The following ERBB4 variants were observed in gnomAD, a reference collection of about 807,000 sequenced individuals.
ERBB4 encodes the protein erb-b2 receptor tyrosine kinase 4, also known as receptor tyrosine-protein kinase erbB-4.
ERBB4 carries 42 observed loss-of-function variants against 158.0 expected under a neutral mutation model. That is an observed-to-expected ratio of 0.27 (90% CI 0.21 to 0.34). The LOEUF is 0.34. Ranked by LOEUF, ERBB4 falls within the 10% of genes least tolerant of loss-of-function variation. ERBB4 has a pLI of 1.00. For synonymous variants in ERBB4, 583 were observed against 558.7 expected, an observed-to-expected ratio of 1.04 and a Z score of -0.61; for missense variants, 1,333 against 1,624.1, an observed-to-expected ratio of 0.82 and a Z score of 3.08.
At chr2:212,534,026 T>C (rs1040458716) in intron 1 of ERBB4, among the ~76,000 whole-genome samples, 6 of 152,146 alleles carry the variant, frequency 3.9e-5, no homozygotes, top group Admixed American at 3.9e-4. Context: ...AGAAAATCCG[T>C]TTTGATCATT....
intron 1 of ERBB4, among the ~76,000 whole-genome samples, chr2:212,137,351 C>T (rs984445088): frequency 6.6e-6 from 1 of 152,098 alleles, no homozygotes; most frequent in African/African-American, 2.4e-5. Flanking sequence ...CAATAGGCCC[C>T]AGTGTGTACT....
At chr2:211,969,560 G>T (rs2081395908) in intron 2 of ERBB4, among the ~76,000 whole-genome samples, 1 of 152,048 alleles carries the variant, frequency 6.6e-6, no homozygotes, top group African/African-American at 2.4e-5. Flanking sequence ...ATGAACATCT[G>T]AATTGAATAC....
intron 22 of ERBB4, among the ~76,000 whole-genome samples, chr2:211,427,288 C>T (rs1008316262): frequency 3.3e-5 from 5 of 151,642 alleles, no homozygotes; most frequent in African/African-American, 1.2e-4. Context: ...TAAATTGTAC[C>T]ATACATTTAA....
intron 3 of ERBB4, among the ~76,000 whole-genome samples, chr2:211,898,754 T>G (rs2079159716): frequency 6.6e-6 from 1 of 152,170 alleles, no homozygotes. Context: ...ATATTTCTCT[T>G]CTAATGGGAA....
At chr2:211,831,917 G>A (rs1039210042) in intron 3 of ERBB4, among the ~76,000 whole-genome samples, 5 of 151,124 alleles carry the variant, frequency 3.3e-5, no homozygotes, top group East Asian at 2.0e-4. Context: ...AAAAAAAATA[G>A]TAATGTCTTC....
Position 212,217,126 on chromosome 2 carries a change from T to A in ERBB4, c.83-92223A>T, listed in dbSNP as rs577227158. Among the ~76,000 whole-genome samples, 102 of 151,530 alleles carry A rather than the reference T, an allele frequency of 6.7e-4. 3 individuals are homozygous for A. The South Asian group carries it at 7.9e-3, about 12-fold the overall frequency. On this transcript the variant is annotated intron_variant, in intron 1 of 27. Transcript: ENST00000342788. ...AAGATAATTTTATTATTAGCTTGGA[T>A]GCTAGAATATAATTTTCATTGACTG...
chr2:211,878,188 T>A (rs1486921506), intron 3 of ERBB4, among the ~76,000 whole-genome samples: 1 of 152,166 alleles, frequency 6.6e-6, no homozygotes, highest in East Asian at 1.9e-4. Flanking sequence ...AATTAAAATC[T>A]TCCATCGAAA....
chr2:212,219,221 A>G (rs891293575), intron 1 of ERBB4, among the ~76,000 whole-genome samples: 1 of 151,410 alleles, frequency 6.6e-6, no homozygotes, highest in Non-Finnish European at 1.5e-5. Context: ...GGTAGAACTA[A>G]AACCATTTCT....
At chr2:211,814,826 T>A (rs939529968) in intron 3 of ERBB4, among the ~76,000 whole-genome samples, 2 of 152,190 alleles carry the variant, frequency 1.3e-5, no homozygotes, top group Non-Finnish European at 2.9e-5. Flanking sequence ...ATTGTGAGTG[T>A]CATAGTACAA....
At chr2:211,782,947 T>C (rs1342079152) in intron 4 of ERBB4, among the ~76,000 whole-genome samples, 8 of 152,212 alleles carry the variant, frequency 5.3e-5, no homozygotes, top group East Asian at 1.9e-4. Flanking sequence ...GCACTGAATC[T>C]ATAAATTACC....
intron 2 of ERBB4, among the ~76,000 whole-genome samples, chr2:212,098,401 C>T (rs980684856): frequency 1.3e-5 from 2 of 152,152 alleles, no homozygotes; most frequent in Non-Finnish European, 2.9e-5. Context: ...CTCATGGCCT[C>T]TATTTCCTTT....
chr2:211,515,222 G>C (rs2065991065), intron 20 of ERBB4, among the ~76,000 whole-genome samples: 5 of 152,114 alleles, frequency 3.3e-5, no homozygotes, highest in Admixed American at 3.3e-4. Flanking sequence ...CAAGAAAAAG[G>C]AAAATTGTGA....
At chr2:212,521,627 C>A (rs1692173314) in intron 1 of ERBB4, among the ~76,000 whole-genome samples, 2 of 148,534 alleles carry the variant, frequency 1.3e-5, no homozygotes, top group African/African-American at 5.0e-5. Context: ...TGGGCACTTA[C>A]TATGTACCTG....
At chr2:212,065,912 T>G (rs1043211874) in intron 2 of ERBB4, among the ~76,000 whole-genome samples, 1 of 152,034 alleles carries the variant, frequency 6.6e-6, no homozygotes, top group African/African-American at 2.4e-5. Flanking sequence ...GTAACAATTG[T>G]AGTTCTGAAC....
chr2:211,819,958 A>G (rs2076958910), intron 3 of ERBB4, among the ~76,000 whole-genome samples: 1 of 151,918 alleles, frequency 6.6e-6, no homozygotes, highest in Admixed American at 6.6e-5. Flanking sequence ...AATAAATAGC[A>G]AATTTTAGAA....
chr2:212,080,623 A>G (rs1016512498), intron 2 of ERBB4, among the ~76,000 whole-genome samples: 1 of 151,202 alleles, frequency 6.6e-6, no homozygotes, highest in Non-Finnish European at 1.5e-5. Flanking sequence ...ATATGTCACA[A>G]TTTAGCAGAT....
chr2:211,504,438 A>G (rs1239351894), intron 20 of ERBB4, among the ~76,000 whole-genome samples: 1 of 151,938 alleles, frequency 6.6e-6, no homozygotes, highest in African/African-American at 2.4e-5. Flanking sequence ...TAAACCCTCA[A>G]AGTGGGGAAG....
At chr2:211,850,677 G>A (rs2077696219) in intron 3 of ERBB4, among the ~76,000 whole-genome samples, 1 of 151,800 alleles carries the variant, frequency 6.6e-6, no homozygotes, top group Non-Finnish European at 1.5e-5. Context: ...AAGGTGTTTG[G>A]AGAACAGTAT....
At chr2:212,206,342 C>T (rs1262283488) in intron 1 of ERBB4, among the ~76,000 whole-genome samples, 1 of 152,100 alleles carries the variant, frequency 6.6e-6, no homozygotes, top group Admixed American at 6.5e-5. Context: ...CCTTCTAGCT[C>T]TCTGACCTTA....
Sources: gnomAD v4.1 joint callset for allele counts (sites outside exome capture counted in the v4.1 genomes callset) on GRCh38, gnomAD v4.1.1 for gene constraint, MANE v1.5 for transcripts, NCBI Gene and HGNC (gene_info 2026-07-23, HGNC 2026-07-21) for gene names.